Variants in SYT1 observed in about 807,000 individuals in gnomAD.
SYT1 encodes synaptotagmin-1.
A neutral mutation model predicts 44.8 loss-of-function variants in SYT1; 8 were observed. The ratio of observed to expected loss-of-function variants is 0.18; its 90% confidence interval spans 0.10 to 0.32. The LOEUF (loss-of-function observed/expected upper bound fraction) is 0.32. SYT1 is among the 10% of genes least tolerant of loss of function. The pLI is 1.00. For synonymous variants in SYT1, 154 were observed against 188.8 expected, an observed-to-expected ratio of 0.82 and a Z score of 1.51; for missense variants, 286 against 509.3, an observed-to-expected ratio of 0.56 and a Z score of 4.22.
intron 3 of SYT1, among the ~76,000 whole-genome samples, chr12:79,181,633 T>C (rs1325916791): frequency 6.6e-6 from 1 of 152,028 alleles, no homozygotes; most frequent in Non-Finnish European, 1.5e-5. Context: ...CCCAAGTAGC[T>C]AAGTGTGGCA....
chr12:79,318,847 C>T (rs1338748413), intron 8 of SYT1, among the ~76,000 whole-genome samples: 1 of 152,080 alleles, frequency 6.6e-6, no homozygotes, highest in Non-Finnish European at 1.5e-5. Context: ...AAAACAAAAA[C>T]AGAGTGAGAT....
chr12:79,357,769 A>G (rs1234171252), intron 9 of SYT1, among the ~76,000 whole-genome samples: 1 of 152,212 alleles, frequency 6.6e-6, no homozygotes, highest in African/African-American at 2.4e-5. Context: ...ACGTGGAGAC[A>G]ATCAAGACTT....
At chr12:79,048,380 TCTTAA>T (rs1874230763) in intron 3 of SYT1, among the ~76,000 whole-genome samples, 2 of 151,826 alleles carry the variant, frequency 1.3e-5, no homozygotes, top group South Asian at 4.1e-4. Context: ...ATAAATTACA[TCTTAA>T]CTTTGAATGA....
At chr12:78,883,008 G>A (rs562808252) in intron 1 of SYT1, among the ~76,000 whole-genome samples, 18 of 151,576 alleles carry the variant, frequency 1.2e-4, no homozygotes, top group Non-Finnish European at 2.7e-4. Flanking sequence ...TAAAGATAAA[G>A]TAGAGATTGT....
At position 79,377,332 on chromosome 12, in the gene SYT1, C is replaced by T. The variant is rs570166197; in HGVS notation, c.928+23713C>T. On this transcript the variant is annotated intron_variant, in intron 9 of 10. Transcript: ENST00000261205. The stretch of plus-strand genomic sequence containing the variant: ...TTCACCGTTTTAGCCAGGATGGTCT[C>T]GATCTCCTGACCTCGTGATCCGCCT... Among the ~76,000 whole-genome samples, 3 of 152,270 alleles carry T rather than the reference C, an allele frequency of 2.0e-5. No individual in the cohort carries two copies. In the South Asian group the frequency reaches 6.2e-4, roughly 32 times the overall value.
At chr12:78,943,017 T>C (rs190850216) in intron 1 of SYT1, among the ~76,000 whole-genome samples, 269 of 152,358 alleles carry the variant, frequency 1.8e-3, no homozygotes, top group African/African-American at 6.2e-3. Context: ...CATCACTCTC[T>C]GTATAGTAGT....
At chr12:79,031,422 A>G (rs779114137) in intron 2 of SYT1, among the ~76,000 whole-genome samples, 3 of 151,094 alleles carry the variant, frequency 2.0e-5, no homozygotes, top group Non-Finnish European at 3.0e-5. Context: ...TGGCTTCTTC[A>G]CAATAAAGAA....
chr12:79,253,512 TC>T (rs1261616395), intron 4 of SYT1, among the ~76,000 whole-genome samples: 3 of 151,480 alleles, frequency 2.0e-5, no homozygotes, highest in Non-Finnish European at 2.9e-5. Context: ...TCTCTCTCTC[TC>T]TCTCTCTCTC....
At chr12:79,094,955 A>G (rs1465399991) in intron 3 of SYT1, among the ~76,000 whole-genome samples, 1 of 152,002 alleles carries the variant, frequency 6.6e-6, no homozygotes, top group Non-Finnish European at 1.5e-5. Context: ...AAAAGAAAGA[A>G]AAGCTTTGCT....
chr12:79,136,986 G>C lies in SYT1; in HGVS notation c.-17-80517G>C, dbSNP rs551999530. Among the ~76,000 whole-genome samples the C allele has an allele frequency of 1.3e-4, 20 of 152,164 alleles. No individual in the cohort carries two copies. The South Asian group carries it at 3.9e-3, about 30-fold the overall frequency. On this transcript the variant is annotated intron_variant, in intron 3 of 10. Coordinates refer to ENST00000261205, the MANE Select transcript of SYT1 (RefSeq NM_005639.3). ...AGTTATTTCTATGGGTCAGATATTT[G>C]TTCCAAAATACTATTCCTTTGCTTC...
At chr12:78,947,454 A>G (rs1470794271) in intron 1 of SYT1, among the ~76,000 whole-genome samples, 1 of 151,698 alleles carries the variant, frequency 6.6e-6, no homozygotes, top group East Asian at 1.9e-4. Context: ...AGAACTATGG[A>G]CTATTCATAC....
intron 3 of SYT1, among the ~76,000 whole-genome samples, chr12:79,103,893 C>A (rs1878570042): frequency 6.6e-6 from 1 of 152,038 alleles, no homozygotes; most frequent in Admixed American, 6.6e-5. Context: ...AGCAGTGCAA[C>A]CTTACCCTTG....
rs150893559 is a variant in SYT1 at position 79,223,391 on chromosome 12, A to G, written c.166+5706A>G. 4.1e-3 allele frequency among the ~76,000 whole-genome samples: 620 copies of G among 152,266 alleles called. 3 individuals are homozygous for G. Among genetic ancestry groups the G allele is most frequent in the African/African-American group, 0.014 (584 of 41,562 alleles). ...AGCACTGGAGTGGGCAAGAAGCCTG[A>G]GGCAGATGCAAATGGAAAGACACTA... On this transcript the variant is annotated intron_variant, in intron 4 of 10. Transcript: ENST00000261205.
In SYT1 at chr12:79,182,468, C is replaced by G. The variant is rs147485325; in HGVS notation, c.-17-35035C>G. ...GACCAGATGAACAACAAGTTGAGGA[C>G]CATCCATGAGAATATACCTCCTGGA... On this transcript the variant is annotated intron_variant, in intron 3 of 10. Transcript: ENST00000261205. Among the ~76,000 whole-genome samples the G allele has an allele frequency of 2.8e-3, 426 of 152,122 alleles. 1 individual carries two copies. The highest frequency in any genetic ancestry group is 9.8e-3 in the African/African-American group (405 of 41,514).
rs1322081345 is a variant in SYT1, at chr12:79,438,699, TAGTGAG to T, written c.929-5372_929-5367del. Among the ~76,000 whole-genome samples the T allele has an allele frequency of 5.0e-4, 76 of 152,326 alleles. 1 individual carries two copies. The highest frequency in any genetic ancestry group is 9.8e-4 in the Admixed American group (15 of 15,304). On this transcript the variant is annotated intron_variant, in intron 9 of 10. Transcript: ENST00000261205. ...CTATATCCTCTTCCTTGAAAATAGC[TAGTGAG>T]ACCAAAGTAGTCATCTGGTCACCAT...
intron 3 of SYT1, among the ~76,000 whole-genome samples, chr12:79,133,855 T>G (rs964914616): frequency 3.9e-5 from 6 of 152,236 alleles, no homozygotes; most frequent in Admixed American, 6.5e-5. Flanking sequence ...TTTGAAGAGA[T>G]AGCAGAACTC....
At chr12:79,426,092 A>C (rs1169782306) in intron 9 of SYT1, among the ~76,000 whole-genome samples, 3 of 152,128 alleles carry the variant, frequency 2.0e-5, no homozygotes, top group Non-Finnish European at 2.9e-5. Flanking sequence ...AAAAAAAAAA[A>C]AAATAGCCTT....
chr12:79,137,786 T>G (rs2138201946), intron 3 of SYT1, among the ~76,000 whole-genome samples: 1 of 152,342 alleles, frequency 6.6e-6, no homozygotes, highest in Non-Finnish European at 1.5e-5. Flanking sequence ...ATAATTGGTA[T>G]CATGTTAACT....
chr12:79,315,475 A>T (rs1334184789), intron 8 of SYT1, among the ~76,000 whole-genome samples: 2 of 152,138 alleles, frequency 1.3e-5, no homozygotes, highest in Non-Finnish European at 2.9e-5. Flanking sequence ...CCTAAGCCTC[A>T]TAACCTGTGG....
Sources: allele counts gnomAD v4.1 joint callset (sites outside exome capture counted in the v4.1 genomes callset), GRCh38; gene constraint gnomAD v4.1.1; transcripts MANE v1.5; gene names NCBI Gene and HGNC (gene_info 2026-07-23, HGNC 2026-07-21).